The following MEI4 variants were observed in gnomAD, a reference collection of about 807,000 sequenced individuals.
MEI4 encodes the protein meiotic double-stranded break formation protein 4.
In MEI4, 27 loss-of-function variants were observed where a neutral mutation model predicts 31.4. The observed-to-expected ratio is 0.86, with a 90% CI of 0.63 to 1.19. The LOEUF is 1.19. Among genes scored for constraint, MEI4 ranks in the 50% most tolerant of loss-of-function variants. MEI4 has a pLI of 0.00. For missense variants in MEI4, 329 were observed against 398.9 expected, an observed-to-expected ratio of 0.82 and a Z score of 1.49; for synonymous variants, 122 against 145.4, an observed-to-expected ratio of 0.84 and a Z score of 1.16.
intron 1 of MEI4, among the ~76,000 whole-genome samples, chr6:77,671,054 G>GTTTTT (rs35429284): frequency 1.4e-4 from 15 of 110,392 alleles, no homozygotes; most frequent in East Asian, 5.7e-4. Flanking sequence ...GTGAATTGTT[G>GTTTTT]TTTTTTTTTT....
chr6:77,836,895 T>C (rs1413244062), intron 4 of MEI4, among the ~76,000 whole-genome samples: 2 of 152,044 alleles, frequency 1.3e-5, no homozygotes, highest in African/African-American at 2.4e-5. Context: ...GGGCATGAAC[T>C]TTTTTTATTT....
chr6:77,917,961 G>A (rs904652566), intron 4 of MEI4, among the ~76,000 whole-genome samples: 4 of 151,214 alleles, frequency 2.6e-5, no homozygotes, highest in East Asian at 2.0e-4. Flanking sequence ...GTAAGGAAGG[G>A]ATCCAGTTTC....
At chr6:77,898,695 A>G (rs1408753348) in intron 4 of MEI4, among the ~76,000 whole-genome samples, 1 of 152,034 alleles carries the variant, frequency 6.6e-6, no homozygotes, top group Non-Finnish European at 1.5e-5. Context: ...GAACTGTTAC[A>G]TTTTTATATT....
intron 4 of MEI4, among the ~76,000 whole-genome samples, chr6:77,862,776 C>G (rs1208250951): frequency 6.6e-6 from 1 of 152,194 alleles, no homozygotes; most frequent in African/African-American, 2.4e-5. Context: ...CAGACGGCCT[C>G]CTCAAGTGGG....
intron 2 of MEI4, among the ~76,000 whole-genome samples, chr6:77,729,082 A>G (rs1766903271): frequency 6.6e-6 from 1 of 152,234 alleles, no homozygotes; most frequent in Non-Finnish European, 1.5e-5. Context: ...CTCCAGCTGA[A>G]CTTTGAAAGA....
chr6:77,728,424 C>CATTG (rs1224862352), intron 2 of MEI4, among the ~76,000 whole-genome samples: 1 of 152,098 alleles, frequency 6.6e-6, no homozygotes. Context: ...TTCATTTGTT[C>CATTG]ATTGATTGAT....
At chr6:77,911,191 GC>G (rs1295938198) in intron 4 of MEI4, among the ~76,000 whole-genome samples, 4 of 151,920 alleles carry the variant, frequency 2.6e-5, no homozygotes, top group African/African-American at 9.7e-5. Context: ...TAAGTAGTTG[GC>G]AAATATATTC....
chr6:77,844,003 T>C (rs1770421478), intron 4 of MEI4, among the ~76,000 whole-genome samples: 1 of 152,024 alleles, frequency 6.6e-6, no homozygotes, highest in Admixed American at 6.6e-5. Context: ...TCCAGTATGG[T>C]GGTTAAGTAT....
chr6:77,739,074 C>G (rs1010239325), intron 2 of MEI4, among the ~76,000 whole-genome samples: 1 of 152,056 alleles, frequency 6.6e-6, no homozygotes, highest in African/African-American at 2.4e-5. Context: ...CTGTCCAGCT[C>G]TTTAGTTTAA....
chr6:77,808,536 T>G (rs1165083515), intron 3 of MEI4, among the ~76,000 whole-genome samples: 2 of 152,066 alleles, frequency 1.3e-5, no homozygotes, highest in East Asian at 3.9e-4. Flanking sequence ...AGGAGAGGAC[T>G]AGGATTGGTC....
At chr6:77,839,979 T>C in intron 4 of MEI4, among the ~76,000 whole-genome samples, 1 of 152,150 alleles carries the variant, frequency 6.6e-6, no homozygotes, top group Non-Finnish European at 1.5e-5. Context: ...GATATTAAAA[T>C]GACCAAGGAC....
At chr6:77,849,420 G>A (rs766951765) in intron 4 of MEI4, among the ~76,000 whole-genome samples, 3 of 152,150 alleles carry the variant, frequency 2.0e-5, no homozygotes, top group Non-Finnish European at 4.4e-5. Flanking sequence ...GTGCCTGTGT[G>A]TGTGAGAGGG....
chr6:77,762,694 G>C (rs571531832), intron 3 of MEI4, among the ~76,000 whole-genome samples: 19 of 152,162 alleles, frequency 1.2e-4, no homozygotes, highest in African/African-American at 4.3e-4. Context: ...AAACCAATTT[G>C]TTTCATGTAC....
chr6:77,805,698 A>G (rs1238599100), intron 3 of MEI4, among the ~76,000 whole-genome samples: 1 of 149,312 alleles, frequency 6.7e-6, no homozygotes, highest in Non-Finnish European at 1.5e-5. Flanking sequence ...TCAAGGAAAG[A>G]AAATTCTAAA....
chr6:77,689,269 C>A (rs896933727), intron 1 of MEI4, among the ~76,000 whole-genome samples: 21 of 151,868 alleles, frequency 1.4e-4, no homozygotes, highest in Non-Finnish European at 2.6e-4. Flanking sequence ...CAGGCTAATA[C>A]AAAATTTCTA....
intron 2 of MEI4, among the ~76,000 whole-genome samples, chr6:77,745,623 A>G (rs1002214900): frequency 5.3e-5 from 8 of 152,192 alleles, no homozygotes; most frequent in African/African-American, 1.9e-4. Context: ...AGCAGACATA[A>G]TAGACATCTA....
intron 3 of MEI4, among the ~76,000 whole-genome samples, chr6:77,793,791 C>A (rs755919081): frequency 4.0e-5 from 6 of 151,242 alleles, no homozygotes; most frequent in Non-Finnish European, 7.4e-5. Context: ...CTAATTGATA[C>A]AGAAAAAATT....
chr6:77,750,732 G>T (rs1316291199), intron 2 of MEI4, among the ~76,000 whole-genome samples: 1 of 152,006 alleles, frequency 6.6e-6, no homozygotes, highest in Non-Finnish European at 1.5e-5. Flanking sequence ...ATTAACAAAG[G>T]ATATCCAGGA....
At chr6:77,679,086 A>G (rs1768902802) in intron 1 of MEI4, among the ~76,000 whole-genome samples, 1 of 152,248 alleles carries the variant, frequency 6.6e-6, no homozygotes, top group South Asian at 2.1e-4. Flanking sequence ...AGTTAAAAAA[A>G]TCTGAAATGT....
Sources: gnomAD v4.1 joint callset for allele counts (sites outside exome capture counted in the v4.1 genomes callset) on GRCh38, gnomAD v4.1.1 for gene constraint, MANE v1.5 for transcripts, NCBI Gene and HGNC (gene_info 2026-07-23, HGNC 2026-07-21) for gene names.